Variants in FABP7 observed in about 807,000 individuals in gnomAD.
The protein encoded by FABP7 is fatty acid-binding protein, brain.
A neutral mutation model predicts 14.2 loss-of-function variants in FABP7; 13 were observed. The ratio of observed to expected loss-of-function variants is 0.91; its 90% CI spans 0.59 to 1.45. The LOEUF is 1.45. FABP7 is among the 40% of genes most tolerant of loss of function. The pLI, the probability that FABP7 is intolerant of heterozygous loss-of-function variation, is 0.00. For missense variants in FABP7, 149 were observed against 157.6 expected, an observed-to-expected ratio of 0.95 and a Z score of 0.29; for synonymous variants, 49 against 51.4, an observed-to-expected ratio of 0.95 and a Z score of 0.20.
the FABP7 span, among the ~76,000 whole-genome samples, chr6:122,762,157 C>G: frequency 1.1e-4 from 16 of 152,284 alleles, no homozygotes; most frequent in East Asian, 3.1e-3. Context: ...TACTGGCAAA[C>G]TGAATCCAGC....
At chr6:122,753,116 T>A in the FABP7 span, among the ~76,000 whole-genome samples, 1 of 152,204 alleles carries the variant, frequency 6.6e-6, no homozygotes, top group Non-Finnish European at 1.5e-5. Context: ...TATAATGAAA[T>A]TCCAATTCCT....
At chr6:122,755,925 T>TG in the FABP7 span, among the ~76,000 whole-genome samples, 2 of 152,128 alleles carry the variant, frequency 1.3e-5, no homozygotes, top group African/African-American at 4.8e-5. Context: ...AGGAGGATGC[T>TG]GTAAAGAGTC....
chr6:122,761,341 G>T, the FABP7 span, among the ~76,000 whole-genome samples: 1 of 152,162 alleles, frequency 6.6e-6, no homozygotes, highest in Admixed American at 6.5e-5. Context: ...AGATGATCCA[G>T]AGTAACACTG....
chr6:122,769,735 C>G, the FABP7 span, among the ~76,000 whole-genome samples: 2 of 151,984 alleles, frequency 1.3e-5, no homozygotes, highest in Non-Finnish European at 2.9e-5. Flanking sequence ...TCTCTGTTAA[C>G]AAATTGAGGA....
chr6:122,772,495 G>T, the FABP7 span, among the ~76,000 whole-genome samples: 1 of 152,128 alleles, frequency 6.6e-6, no homozygotes, highest in Non-Finnish European at 1.5e-5. Context: ...TCAGCTCACT[G>T]CAACTTCCAC....
the FABP7 span, among the ~76,000 whole-genome samples, chr6:122,749,631 T>C: frequency 1.3e-5 from 2 of 152,178 alleles, no homozygotes; most frequent in Non-Finnish European, 2.9e-5. Context: ...TCCTATATCC[T>C]TGAAAGAGAA....
intron 1 of FABP7, 134 bp from the exon 2 acceptor site, chr6:122,780,157 T>C: frequency 1.0e-6 from 1 of 992,760 alleles, no homozygotes. Context: ...GTGTTTTACA[T>C]GATTAATGGG....
intron 3 of FABP7, chr6:122,781,903 G>A (rs774313903): frequency 9.1e-5 from 37 of 408,248 alleles, no homozygotes; most frequent in Non-Finnish European, 1.1e-4. Flanking sequence ...CACCAACGCC[G>A]GGCTAATTTT....
chr6:122,751,282 G>A, the FABP7 span, among the ~76,000 whole-genome samples: 3 of 152,218 alleles, frequency 2.0e-5, no homozygotes, highest in Admixed American at 6.5e-5. Context: ...GTTAATATAC[G>A]TAAACTACAC....
At chr6:122,765,987 G>A in the FABP7 span, among the ~76,000 whole-genome samples, 1 of 151,990 alleles carries the variant, frequency 6.6e-6, no homozygotes, top group Non-Finnish European at 1.5e-5. Flanking sequence ...TCTTATTCAA[G>A]CAAAGAGAAA....
the FABP7 span, among the ~76,000 whole-genome samples, chr6:122,766,977 T>C: frequency 2.4e-4 from 37 of 152,138 alleles, no homozygotes; most frequent in African/African-American, 8.4e-4. Context: ...AGTAACAAAC[T>C]AATAGAAAAT....
chr6:122,756,300 T>A, the FABP7 span, among the ~76,000 whole-genome samples: 1 of 152,228 alleles, frequency 6.6e-6, no homozygotes, highest in Non-Finnish European at 1.5e-5. Context: ...ATAATTTTTA[T>A]AATTTTTCCC....
the FABP7 span, among the ~76,000 whole-genome samples, chr6:122,756,290 A>G: frequency 6.6e-6 from 1 of 152,162 alleles, no homozygotes; most frequent in Non-Finnish European, 1.5e-5. Flanking sequence ...GCATCTTTCT[A>G]TAATTTTTAT....
At position 122,780,479 on chromosome 6, in the gene FABP7, T is replaced by C; in HGVS notation, c.246+16T>C. The C allele has an allele frequency of 6.8e-6, 11 of 1,605,868 alleles. No homozygotes were observed. Among genetic ancestry groups the C allele is most frequent in the Non-Finnish European group, 9.3e-6 (11 of 1,177,702 alleles). On this transcript the variant is annotated intron_variant, in intron 2 of 3. Transcript: ENST00000368444. ...AAACTGTAAGGTGAGAAACTGCTTC[T>C]TCTTCAGAGTGGGGATGGGGAGAGG...
chr6:122,754,057 A>G, the FABP7 span, among the ~76,000 whole-genome samples: 2 of 152,248 alleles, frequency 1.3e-5, no homozygotes, highest in African/African-American at 2.4e-5. Context: ...CAATTTAGTT[A>G]TAGGAAGTCA....
chr6:122,773,675 T>A, the FABP7 span, among the ~76,000 whole-genome samples: 1 of 152,242 alleles, frequency 6.6e-6, no homozygotes, highest in Non-Finnish European at 1.5e-5. Flanking sequence ...TTTTTGTTGC[T>A]GCATAACCTT....
chr6:122,752,159 C>A, the FABP7 span, among the ~76,000 whole-genome samples: 1 of 151,552 alleles, frequency 6.6e-6, no homozygotes, highest in African/African-American at 2.4e-5. Flanking sequence ...GAGGAAAAGG[C>A]AAAGGAGCAA....
chr6:122,778,339 A>G (rs541162892), upstream of FABP7, among the ~76,000 whole-genome samples: 60 of 152,320 alleles, frequency 3.9e-4, no homozygotes, highest in African/African-American at 1.4e-3. Context: ...TAAAGTGAAA[A>G]TTGGAAGAAA....
chr6:122,770,195 C>T, the FABP7 span, among the ~76,000 whole-genome samples: 2 of 151,884 alleles, frequency 1.3e-5, no homozygotes, highest in Admixed American at 6.6e-5. Context: ...TTTTTAATGT[C>T]CTCAGGCATG....
Sources: allele counts gnomAD v4.1 joint callset (sites outside exome capture counted in the v4.1 genomes callset), GRCh38; gene constraint gnomAD v4.1.1; transcripts MANE v1.5; gene names NCBI Gene and HGNC (gene_info 2026-07-23, HGNC 2026-07-21).